The following STAG2 variants were observed in gnomAD, a reference collection of about 807,000 sequenced individuals.
STAG2 encodes the protein STAG2 cohesin complex component.
STAG2 carries 14 observed loss-of-function variants against 108.1 expected under a neutral mutation model. That is an observed-to-expected ratio of 0.13 (90% CI 0.09 to 0.20). The LOEUF (loss-of-function observed/expected upper bound fraction) is 0.20. STAG2 is among the 10% of genes least tolerant of loss of function. STAG2 has a pLI of 1.00. For missense variants in STAG2, 440 were observed against 940.9 expected (o/e 0.47, Z 6.96); for synonymous variants, 307 against 302.7 (o/e 1.01, Z -0.15).
rs772187474 is a variant in STAG2 at position 124,100,894 on chromosome X, A to C, written c.*297A>C. 9.5e-5 allele frequency: 21 copies of C among 220,194 alleles called. No homozygotes were observed. In the South Asian group the frequency reaches 1.5e-3, roughly 16 times the overall value. The allele number at this position is 220,194 out of a possible 1,213,427, so 18.1% of individuals were successfully genotyped here. A position where few individuals can be genotyped will look rare whatever the true frequency, so the allele number is the denominator to read the frequency against. On this transcript the variant is annotated 3_prime_UTR_variant, in exon 35 of 35. Coordinates refer to ENST00000371145, the MANE Select transcript of STAG2 (RefSeq NM_001042750.2). Reference sequence around the variant, plus strand: ...TTCATGCTTTTTTTTAAAAAAAAAAAAAAACAAAATAACAATCTGAAGAGG... The same window carrying C: ...TTCATGCTTTTTTTTAAAAAAAAAACAAAACAAAATAACAATCTGAAGAGG...
intron 4 of STAG2, among the ~76,000 whole-genome samples, chrX:124,029,039 C>T (rs1395996636): frequency 3.0e-5 from 3 of 100,564 alleles, no homozygotes; most frequent in South Asian, 4.5e-4. Flanking sequence ...ATTTTTGAGA[C>T]GGAGTCTTGC....
At chrX:124,098,421 C>A (rs1170954452) in intron 34 of STAG2, among the ~76,000 whole-genome samples, 2 of 111,107 alleles carry the variant, frequency 1.8e-5, no homozygotes, top group African/African-American at 3.3e-5. Context: ...AACTATACTC[C>A]ATACTGTCTT....
Position 124,024,374 on chromosome X carries a change from A to AT in STAG2, c.45-1456dup, listed in dbSNP as rs1031450540. ...ATACATCAAGATATTTTAAATTTTCATTTTTTTTTTGCAAGACCATATAGA... is the reference window on the plus strand; with the variant it reads ...ATACATCAAGATATTTTAAATTTTCATTTTTTTTTTTGCAAGACCATATAGA... On this transcript the variant is annotated intron_variant, in intron 3 of 34. Transcript: ENST00000371145. 1.3e-3 allele frequency among the ~76,000 whole-genome samples: 135 copies of AT among 106,492 alleles called. 3 individuals are homozygous for AT. The highest frequency in any genetic ancestry group is 3.6e-3 in the African/African-American group (107 of 29,455). The allele number at this position is 106,492 out of a possible 115,157, so 92.5% of individuals were successfully genotyped here.
Position 124,056,244 on chromosome X carries a change from A to C in STAG2, c.1304+9A>C. 1 of 1,149,683 alleles carries C rather than the reference A, an allele frequency of 8.7e-7. No individual in the cohort carries two copies. The highest frequency in any genetic ancestry group is 1.2e-6 in the Non-Finnish European group (1 of 843,284). The allele number at this position is 1,149,683 out of a possible 1,213,427, so 94.7% of individuals were successfully genotyped here. On this transcript the variant is annotated intron_variant, in intron 14 of 34. Coordinates refer to ENST00000371145, the MANE Select transcript of STAG2 (RefSeq NM_001042750.2). The stretch of plus-strand genomic sequence containing the variant: ...GAATTTCTCTACAAAAAGTAAATCT[A>C]TATATCTGTTACTCATTTTCTAAGG...
At chrX:124,096,429 A>G in intron 34 of STAG2, among the ~76,000 whole-genome samples, 1 of 111,180 alleles carries the variant, frequency 9.0e-6, no homozygotes, top group Admixed American at 9.6e-5. Flanking sequence ...TCTTTCTTTG[A>G]TACTAATTCT....
intron 1 of STAG2, among the ~76,000 whole-genome samples, chrX:123,970,512 T>A (rs1302491375): frequency 8.9e-6 from 1 of 111,769 alleles, no homozygotes; most frequent in Non-Finnish European, 1.9e-5. Flanking sequence ...GTTTTACTTT[T>A]CACTGTCACT....
chrX:124,075,591 T>A (rs143091819), intron 25 of STAG2, among the ~76,000 whole-genome samples: 1,239 of 111,697 alleles, frequency 0.011, 19 homozygotes, highest in African/African-American at 0.038. Flanking sequence ...GTGGTTTTTG[T>A]TTTGTTTTTT....
intron 4 of STAG2, among the ~76,000 whole-genome samples, chrX:124,029,793 C>T (rs954632578): frequency 2.7e-5 from 3 of 111,311 alleles, no homozygotes; most frequent in East Asian, 5.6e-4. Context: ...ATCCAGGGGT[C>T]GGAATACCTT....
upstream of STAG2, chrX:123,961,177 C>T (rs1398735473): frequency 9.3e-6 from 1 of 107,304 alleles, no homozygotes; most frequent in African/African-American, 3.4e-5. Context: ...TCCAGCCCCC[C>T]TTCCTCCCTA....
At chrX:123,961,641 C>A (rs2053861697), upstream of STAG2, 1 of 106,263 alleles carries the variant, frequency 9.4e-6, no homozygotes, top group Non-Finnish European at 2.0e-5. Context: ...TCTGATCACA[C>A]CCCTCCCTCG....
At chrX:124,085,773 C>CAAAA (rs35882500) in intron 29 of STAG2, among the ~76,000 whole-genome samples, 2 of 42,143 alleles carry the variant, frequency 4.7e-5, no homozygotes, top group Non-Finnish European at 8.7e-5. Flanking sequence ...GACTGTGTCT[C>CAAAA]AAAAAAAAAA....
intron 28 of STAG2, among the ~76,000 whole-genome samples, chrX:124,083,038 G>A (rs758952810): frequency 9.0e-5 from 10 of 111,125 alleles, no homozygotes; most frequent in South Asian, 3.8e-4. Context: ...ATTTTTTAAC[G>A]TTCTATATGT....
intron 15 of STAG2, 47 bp from the exon 16 acceptor site, chrX:124,061,177 C>G: frequency 1.1e-6 from 1 of 931,507 alleles, no homozygotes; most frequent in South Asian, 2.5e-5. Flanking sequence ...TGAGTTAAGG[C>G]TAGTATGATA....
At chrX:124,009,126 T>A (rs1282724360) in intron 1 of STAG2, among the ~76,000 whole-genome samples, 2 of 111,650 alleles carry the variant, frequency 1.8e-5, no homozygotes, top group Non-Finnish European at 3.8e-5. Context: ...AAATATATGT[T>A]GAGTCATTAT....
At chrX:123,983,306 T>A (rs1036155837) in intron 1 of STAG2, among the ~76,000 whole-genome samples, 3 of 110,994 alleles carry the variant, frequency 2.7e-5, no homozygotes, top group Non-Finnish European at 5.7e-5. Flanking sequence ...TCTGTTCACC[T>A]TATTTGTGGT....
chrX:124,037,692 T>C (rs781630549), intron 6 of STAG2, 69 bp downstream of exon 6: 3 of 584,312 alleles, frequency 5.1e-6, no homozygotes, highest in South Asian at 7.8e-5. Flanking sequence ...TAAAGAGATG[T>C]TGTTAGCACT....
intron 1 of STAG2, among the ~76,000 whole-genome samples, chrX:124,013,300 TACACATGCACACACACACACACAA>T (rs1354104932): frequency 9.7e-6 from 1 of 102,966 alleles, no homozygotes; most frequent in Admixed American, 1.1e-4. Flanking sequence ...TGGAGATGTA[TACACATGCACACACACACACACAA>T]ACACACACAC....
At chrX:124,040,656 T>C (rs766108410) in intron 6 of STAG2, among the ~76,000 whole-genome samples, 12 of 109,205 alleles carry the variant, frequency 1.1e-4, no homozygotes, top group Non-Finnish European at 1.9e-4. Context: ...ATGTTTGCTT[T>C]GAGATATATT....
At chrX:123,972,166 T>G (rs1394914271) in intron 1 of STAG2, among the ~76,000 whole-genome samples, 1 of 111,158 alleles carries the variant, frequency 9.0e-6, no homozygotes, top group African/African-American at 3.3e-5. Context: ...TTAAGGAGAC[T>G]TCCAGTTTTG....
Sources: gnomAD v4.1 joint callset for allele counts (sites outside exome capture counted in the v4.1 genomes callset) on GRCh38, gnomAD v4.1.1 for gene constraint, MANE v1.5 for transcripts, NCBI Gene and HGNC (gene_info 2026-07-23, HGNC 2026-07-21) for gene names.